Variants in HCK observed in about 807,000 individuals in gnomAD.
HCK encodes the protein tyrosine-protein kinase HCK.
HCK carries 40 observed loss-of-function variants against 70.4 expected under a neutral mutation model. The observed-to-expected ratio is 0.57, with a 90% CI of 0.44 to 0.74. HCK has a LOEUF of 0.74. HCK is among the 30% of genes least tolerant of loss of function. The probability of loss-of-function intolerance (pLI) is 0.00; values close to 1 mark genes in which losing one functional copy is unlikely to be tolerated. For synonymous variants in HCK, 245 were observed against 263.2 expected (o/e 0.93, Z 0.67); for missense variants, 568 against 697.2 (o/e 0.81, Z 2.09).
At chr20:32,099,683 A>G (rs2046007545) in intron 12 of HCK, among the ~76,000 whole-genome samples, 1 of 151,976 alleles carries the variant, frequency 6.6e-6, no homozygotes, top group African/African-American at 2.4e-5. Context: ...CTGAGCAGTC[A>G]CAGGGTTTTG....
chr20:32,093,711 C>A, intron 10 of HCK, 152 bp from the exon 11 acceptor site: 1 of 673,818 alleles, frequency 1.5e-6, no homozygotes, highest in Non-Finnish European at 2.4e-6. Context: ...AGGAATGCCA[C>A]CCTGAGCCCT....
intron 1 of HCK, chr20:32,069,843 A>C: frequency 1.1e-6 from 1 of 902,422 alleles, no homozygotes; most frequent in Non-Finnish European, 1.5e-6. Flanking sequence ...TTAAACCACA[A>C]ATACATGTTT....
intron 11 of HCK, among the ~76,000 whole-genome samples, chr20:32,095,660 G>A (rs998355699): frequency 6.6e-6 from 1 of 152,064 alleles, no homozygotes; most frequent in African/African-American, 2.4e-5. Flanking sequence ...GTTTTTTGCA[G>A]GGAAATGTGA....
chr20:32,073,413 C>T (rs759652787), intron 3 of HCK, 52 bp downstream of exon 3: 98 of 1,462,746 alleles, frequency 6.7e-5, no homozygotes, highest in South Asian at 4.0e-4. Context: ...CAGAGGACTC[C>T]GCTAGGTTCT....
At chr20:32,076,250 CA>C (rs2045624352) in intron 5 of HCK, among the ~76,000 whole-genome samples, 1 of 152,110 alleles carries the variant, frequency 6.6e-6, no homozygotes, top group Non-Finnish European at 1.5e-5. Context: ...CACTTGACTC[CA>C]GGGGGCAGAG....
At position 32,074,731 on chromosome 20, in the gene HCK, C is replaced by A. The variant is rs756690016; in HGVS notation, c.428+10C>A. Reference sequence around the variant, plus strand: ...CTCTGGAGACAGAGGAGTAAGTATCCTATTTCCTACCTTCCAGAAAGAGGC... The same window carrying A: ...CTCTGGAGACAGAGGAGTAAGTATCATATTTCCTACCTTCCAGAAAGAGGC... On this transcript the variant is annotated intron_variant, in intron 5 of 12. Coordinates refer to ENST00000375852, the MANE Select transcript of HCK (RefSeq NM_002110.5). 1 of 1,594,750 alleles carries A rather than the reference C, an allele frequency of 6.3e-7. No individual in the cohort carries two copies. Among genetic ancestry groups the A allele is most frequent in the East Asian group, 2.2e-5 (1 of 44,820 alleles).
chr20:32,061,052 T>C (rs796506384), intron 1 of HCK, among the ~76,000 whole-genome samples: 2 of 152,114 alleles, frequency 1.3e-5, no homozygotes, highest in Non-Finnish European at 2.9e-5. Context: ...GGCGCAGTCT[T>C]GGCTCACTGC....
rs571850378 is a variant in HCK, at chr20:32,061,073, T to A, written c.62+8587T>A. On this transcript the variant is annotated intron_variant, in intron 1 of 12. Transcript: ENST00000375852. ...GTCTTGGCTCACTGCAACCTCCGCC[T>A]CCCGGGTTCAAGCAATTCTCCTTCC... Among the ~76,000 whole-genome samples the A allele has an allele frequency of 2.0e-5, 3 of 152,148 alleles. No homozygotes were observed. The South Asian group carries it at 6.2e-4, about 32-fold the overall frequency.
At chr20:32,057,398 G>A (rs1009448320) in intron 1 of HCK, among the ~76,000 whole-genome samples, 4 of 152,116 alleles carry the variant, frequency 2.6e-5, no homozygotes, top group African/African-American at 9.7e-5. Flanking sequence ...TCAGGAGTTC[G>A]AGACCAGCCT....
At chr20:32,085,831 C>T (rs1021039777) in intron 8 of HCK, among the ~76,000 whole-genome samples, 1 of 152,038 alleles carries the variant, frequency 6.6e-6, no homozygotes, top group African/African-American at 2.4e-5. Flanking sequence ...GTGACTGGCA[C>T]ATAAAAGGCA....
chr20:32,084,412 A>C lies in HCK; in HGVS notation c.704A>C (p.Gln235Pro). 2 of 1,613,954 alleles carry C rather than the reference A, an allele frequency of 1.2e-6. No individual in the cohort carries two copies. Among genetic ancestry groups the C allele is most frequent in the Non-Finnish European group, 1.7e-6 (2 of 1,179,900 alleles). Reference sequence around the variant, plus strand: ...CCAGAGGGGAACGACGGGCTCTGCCAGAAACTGTCGGTGCCCTGCATGTCT... The same window carrying C: ...CCAGAGGGGAACGACGGGCTCTGCCCGAAACTGTCGGTGCCCTGCATGTCT... The change falls in exon 8 of 13, where the codon CAG (glutamine) becomes CCG (proline). Residue 235 changes from glutamine to proline, a missense_variant. Transcript: ENST00000375852.
At position 32,067,993 on chromosome 20, in the gene HCK, A is replaced by T. The variant is rs561612764; in HGVS notation, c.63-3669A>T. On this transcript the variant is annotated intron_variant, in intron 1 of 12. Transcript: ENST00000375852. ...TACTTTAAGAAACCTGGATGTAAAA[A>T]TTTTTTTAAAAATGAAAAATAGGCC... Among the ~76,000 whole-genome samples, 24 of 152,250 alleles carry T rather than the reference A, an allele frequency of 1.6e-4. No homozygotes were observed. The South Asian group carries it at 3.5e-3, about 22-fold the overall frequency.
chr20:32,063,314 A>G (rs1465778742), intron 1 of HCK, among the ~76,000 whole-genome samples: 2 of 152,100 alleles, frequency 1.3e-5, no homozygotes, highest in Non-Finnish European at 2.9e-5. Flanking sequence ...GTGCAGTGGC[A>G]TGACTACAAC....
At chr20:32,089,529 AC>A (rs2045836190) in intron 10 of HCK, among the ~76,000 whole-genome samples, 1 of 152,192 alleles carries the variant, frequency 6.6e-6, no homozygotes, top group Non-Finnish European at 1.5e-5. Context: ...AGAGACCATG[AC>A]CCAAGTGGTC....
At chr20:32,092,871 C>T (rs2045882554) in intron 10 of HCK, among the ~76,000 whole-genome samples, 1 of 151,932 alleles carries the variant, frequency 6.6e-6, no homozygotes, top group African/African-American at 2.4e-5. Context: ...TAAAATCTCA[C>T]CCCCTCAAAG....
At chr20:32,070,226 C>T (rs1407004674) in intron 1 of HCK, among the ~76,000 whole-genome samples, 1 of 152,104 alleles carries the variant, frequency 6.6e-6, no homozygotes, top group East Asian at 1.9e-4. Flanking sequence ...CACAGGGTTC[C>T]CTCCCCTGCT....
intron 1 of HCK, among the ~76,000 whole-genome samples, chr20:32,070,202 T>C (rs1474041805): frequency 3.9e-5 from 6 of 152,206 alleles, no homozygotes; most frequent in Admixed American, 3.9e-4. Flanking sequence ...CCTGAACAAT[T>C]TTGGCAGATT....
In HCK at chr20:32,052,389, C is replaced by T; in HGVS notation, c.-36C>T. On this transcript the variant is annotated 5_prime_UTR_variant, in exon 1 of 13. Coordinates refer to ENST00000375852, the MANE Select transcript of HCK (RefSeq NM_002110.5). The stretch of plus-strand genomic sequence containing the variant: ...CTCTAGTTCTAGAAAGTCAGTTTCC[C>T]GGCACTGGCACCCCGGAACCTCAGG... 1 of 1,279,952 alleles carries T rather than the reference C, an allele frequency of 7.8e-7. No individual in the cohort carries two copies. Among genetic ancestry groups the T allele is most frequent in the Non-Finnish European group, 1.0e-6 (1 of 1,002,676 alleles). The allele number at this position is 1,279,952 out of a possible 1,614,324, so 79.3% of individuals were successfully genotyped here. A position where few individuals can be genotyped will look rare whatever the true frequency, so the allele number is the denominator to read the frequency against.
intron 1 of HCK, 62 bp from the exon 2 acceptor site, chr20:32,071,600 A>G: frequency 6.3e-7 from 1 of 1,589,306 alleles, no homozygotes; most frequent in Non-Finnish European, 8.6e-7. Context: ...TGCCAGCATC[A>G]GAAGACTTCC....
Sources: gnomAD v4.1 joint callset for allele counts (sites outside exome capture counted in the v4.1 genomes callset) on GRCh38, gnomAD v4.1.1 for gene constraint, MANE v1.5 for transcripts, NCBI Gene and HGNC (gene_info 2026-07-23, HGNC 2026-07-21) for gene names.